MIPOL1: variants seen among roughly 807,000 people sequenced by gnomAD.
MIPOL1 encodes the protein mirror-image polydactyly gene 1 protein.
A neutral mutation model predicts 60.9 loss-of-function variants in MIPOL1; 57 were observed. That is an observed-to-expected ratio of 0.94 (90% CI 0.76 to 1.17). The LOEUF (loss-of-function observed/expected upper bound fraction) is 1.17, where lower values mean the gene tolerates loss of function less well. Among genes scored for constraint, MIPOL1 ranks in the 50% most tolerant of loss-of-function variants. The probability of loss-of-function intolerance (pLI) is 0.00; values close to 1 mark genes in which losing one functional copy is unlikely to be tolerated. For synonymous variants in MIPOL1, 179 were observed against 168.8 expected, an observed-to-expected ratio of 1.06 and a Z score of -0.47; for missense variants, 551 against 511.6, an observed-to-expected ratio of 1.08 and a Z score of -0.74.
chr14:37,459,267 A>ACTAG (rs1246105664), intron 11 of MIPOL1, among the ~76,000 whole-genome samples: 1 of 152,156 alleles, frequency 6.6e-6, no homozygotes, highest in Non-Finnish European at 1.5e-5. Flanking sequence ...TTGATAAACG[A>ACTAG]CTAGCTAGAA....
intron 9 of MIPOL1, among the ~76,000 whole-genome samples, chr14:37,322,089 T>C (rs1409487935): frequency 6.6e-6 from 1 of 152,066 alleles, no homozygotes. Context: ...GTCTCACTTA[T>C]GATGCATTCA....
At chr14:37,230,527 C>T (rs1251134432) in intron 1 of MIPOL1, among the ~76,000 whole-genome samples, 1 of 152,086 alleles carries the variant, frequency 6.6e-6, no homozygotes, top group African/African-American at 2.4e-5. Flanking sequence ...TAAGTTTTTC[C>T]TTGGAGAAAT....
rs535978128 is a variant in MIPOL1 at position 37,451,808 on chromosome 14, C to CTTTTT, written c.1031+28879_1031+28883dup. On this transcript the variant is annotated intron_variant, in intron 11 of 12. Transcript: ENST00000684589. ...CTTAAGGTTCTTTTGTTTATTCTCT[C>CTTTTT]TTTTTTTTTTTTTTTTTTTTTTTTG... is the stretch of plus-strand genomic sequence containing the variant. Among the ~76,000 whole-genome samples, 235 of 84,548 alleles carry CTTTTT rather than the reference C, an allele frequency of 2.8e-3. 17 individuals carry two copies. Among genetic ancestry groups the CTTTTT allele is most frequent in the African/African-American group, 0.012 (187 of 15,738 alleles). The allele number at this position is 84,548 out of a possible 152,430, so 55.5% of individuals were successfully genotyped here.
intron 10 of MIPOL1, among the ~76,000 whole-genome samples, chr14:37,391,676 G>C (rs921282527): frequency 2.6e-5 from 4 of 152,094 alleles, no homozygotes; most frequent in Non-Finnish European, 4.4e-5. Context: ...TTACAGGCAT[G>C]AGCCACCGTG....
At chr14:37,327,067 A>T (rs943276932) in intron 9 of MIPOL1, among the ~76,000 whole-genome samples, 1 of 152,134 alleles carries the variant, frequency 6.6e-6, no homozygotes, top group African/African-American at 2.4e-5. Context: ...CAATAAATAT[A>T]TAGCTGTATT....
chr14:37,308,215 C>T, intron 8 of MIPOL1, 126 bp downstream of exon 8: 1 of 1,189,414 alleles, frequency 8.4e-7, no homozygotes. Context: ...TAATGTACAT[C>T]TTTGCTGCAA....
At chr14:37,420,860 A>T in intron 10 of MIPOL1, among the ~76,000 whole-genome samples, 1 of 152,198 alleles carries the variant, frequency 6.6e-6, no homozygotes, top group East Asian at 1.9e-4. Flanking sequence ...ACTGAACAAG[A>T]TCACTGTAGC....
chr14:37,456,087 A>G (rs1334225782), intron 11 of MIPOL1, among the ~76,000 whole-genome samples: 1 of 151,926 alleles, frequency 6.6e-6, no homozygotes, highest in African/African-American at 2.4e-5. Flanking sequence ...CACGTAGAAG[A>G]AGGTTTCTTC....
chr14:37,396,401 T>A (rs970355362), intron 10 of MIPOL1, among the ~76,000 whole-genome samples: 2 of 152,176 alleles, frequency 1.3e-5, no homozygotes, highest in African/African-American at 4.8e-5. Flanking sequence ...CTCACAGCTC[T>A]TAAGGTTCTT....
In MIPOL1 at chr14:37,297,011, A is replaced by T. The variant is rs536859596; in HGVS notation, c.624-11045A>T. On this transcript the variant is annotated intron_variant, in intron 7 of 12. Transcript: ENST00000684589. ...GGCAGAGACACAACAAAAAAAGAGA[A>T]TTTTAGACCAATATCCTTGATGAAC... 1.1e-3 allele frequency among the ~76,000 whole-genome samples: 164 copies of T among 152,334 alleles called. 1 individual carries two copies. Among genetic ancestry groups the T allele is most frequent in the African/African-American group, 3.9e-3 (162 of 41,572 alleles).
At chr14:37,266,791 A>G (rs1481036696) in intron 3 of MIPOL1, 147 bp from the exon 4 acceptor site, 5 of 645,172 alleles carry the variant, frequency 7.7e-6, no homozygotes, top group Admixed American at 2.8e-5. Flanking sequence ...ACTTATCCCA[A>G]TGCTTATCTG....
At chr14:37,203,445 T>C (rs1288606160) in intron 1 of MIPOL1, among the ~76,000 whole-genome samples, 1 of 152,208 alleles carries the variant, frequency 6.6e-6, no homozygotes, top group African/African-American at 2.4e-5. Flanking sequence ...GTTCTGGTTT[T>C]TATTCCAGTT....
At chr14:37,395,816 G>C (rs1307473880) in intron 10 of MIPOL1, among the ~76,000 whole-genome samples, 1 of 152,066 alleles carries the variant, frequency 6.6e-6, no homozygotes, top group Non-Finnish European at 1.5e-5. Flanking sequence ...TGGTGAGAAT[G>C]GGCTATAAGA....
At chr14:37,290,316 C>T (rs2084945556) in intron 7 of MIPOL1, among the ~76,000 whole-genome samples, 1 of 152,056 alleles carries the variant, frequency 6.6e-6, no homozygotes, top group Non-Finnish European at 1.5e-5. Context: ...ACCTCCGCCT[C>T]CCAGGTCCGA....
chr14:37,303,493 G>A (rs1318843885), intron 7 of MIPOL1, among the ~76,000 whole-genome samples: 2 of 151,764 alleles, frequency 1.3e-5, no homozygotes, highest in African/African-American at 2.4e-5. Context: ...TTTAAATTGA[G>A]CCTATCATTC....
intron 12 of MIPOL1, among the ~76,000 whole-genome samples, chr14:37,532,713 A>G (rs906478629): frequency 1.3e-5 from 2 of 152,124 alleles, no homozygotes; most frequent in African/African-American, 4.8e-5. Context: ...TGCAGTAGCT[A>G]CCTCTTTTGG....
At chr14:37,474,508 C>T (rs759854075) in intron 11 of MIPOL1, among the ~76,000 whole-genome samples, 2 of 152,178 alleles carry the variant, frequency 1.3e-5, no homozygotes, top group African/African-American at 4.8e-5. Flanking sequence ...AGTCTCTTGT[C>T]TGCCACCATG....
chr14:37,453,025 A>G (rs2094439621), intron 11 of MIPOL1, among the ~76,000 whole-genome samples: 1 of 152,220 alleles, frequency 6.6e-6, no homozygotes, highest in Non-Finnish European at 1.5e-5. Context: ...GGATTGGAAA[A>G]TGAATGATGT....
At chr14:37,349,181 T>C (rs1233518541) in intron 9 of MIPOL1, among the ~76,000 whole-genome samples, 1 of 151,748 alleles carries the variant, frequency 6.6e-6, no homozygotes, top group East Asian at 1.9e-4. Context: ...TAGTGATGGG[T>C]TTTGCCATGT....
Sources: gnomAD v4.1 joint callset for allele counts (sites outside exome capture counted in the v4.1 genomes callset) on GRCh38, gnomAD v4.1.1 for gene constraint, MANE v1.5 for transcripts, NCBI Gene and HGNC (gene_info 2026-07-23, HGNC 2026-07-21) for gene names.